CSMD1: variants seen among roughly 807,000 people sequenced by gnomAD.
CSMD1 encodes the protein CUB and Sushi multiple domains 1.
A neutral mutation model predicts 417.5 loss-of-function variants in CSMD1; 213 were observed. The ratio of observed to expected loss-of-function variants is 0.51; its 90% CI spans 0.46 to 0.57. The LOEUF (loss-of-function observed/expected upper bound fraction) is 0.57. CSMD1 is among the 20% of genes least tolerant of loss of function. The pLI, the probability that CSMD1 is intolerant of heterozygous loss-of-function variation, is 0.00. For synonymous variants in CSMD1, 2,862 were observed against 1,736.8 expected, an observed-to-expected ratio of 1.65 and a Z score of -16.11; for missense variants, 6,923 against 4,529.7, an observed-to-expected ratio of 1.53 and a Z score of -15.17.
chr8:4,264,402 G>T (rs1333853725), intron 3 of CSMD1, among the ~76,000 whole-genome samples: 1 of 152,132 alleles, frequency 6.6e-6, no homozygotes, highest in Non-Finnish European at 1.5e-5. Context: ...CATCCACAGA[G>T]GTTGCACATG....
intron 52 of CSMD1, among the ~76,000 whole-genome samples, chr8:3,012,603 A>C (rs534913526): frequency 6.6e-6 from 1 of 152,322 alleles, no homozygotes; most frequent in East Asian, 1.9e-4. Flanking sequence ...ATCTTGCACC[A>C]GGATGGAAAA....
At chr8:4,341,937 G>T (rs1192820436) in intron 3 of CSMD1, among the ~76,000 whole-genome samples, 1 of 152,016 alleles carries the variant, frequency 6.6e-6, no homozygotes, top group Admixed American at 6.6e-5. Flanking sequence ...ACTATGCTTT[G>T]TCCAATGGAC....
intron 7 of CSMD1, among the ~76,000 whole-genome samples, chr8:3,687,216 G>A (rs1159177560): frequency 6.6e-6 from 1 of 152,204 alleles, no homozygotes; most frequent in Admixed American, 6.5e-5. Context: ...GGTTTGCCCA[G>A]GGCAGGTCCA....
chr8:4,083,814 T>C (rs938318320), intron 3 of CSMD1, among the ~76,000 whole-genome samples: 3 of 152,112 alleles, frequency 2.0e-5, no homozygotes, highest in Admixed American at 1.3e-4. Context: ...CCAAAAGCAA[T>C]GGCAACAAAA....
chr8:3,934,740 G>A (rs538199257), intron 5 of CSMD1, among the ~76,000 whole-genome samples: 39 of 152,106 alleles, frequency 2.6e-4, no homozygotes, highest in South Asian at 1.7e-3. Context: ...CCAGCTACTC[G>A]GGAGGCTGAA....
intron 49 of CSMD1, among the ~76,000 whole-genome samples, chr8:3,070,140 C>G (rs1813233828): frequency 6.6e-6 from 1 of 152,218 alleles, no homozygotes; most frequent in Non-Finnish European, 1.5e-5. Flanking sequence ...CTTCTCCTCC[C>G]AGGATTCTAG....
intron 5 of CSMD1, among the ~76,000 whole-genome samples, chr8:3,950,337 C>G (rs1301690005): frequency 6.6e-6 from 1 of 152,176 alleles, no homozygotes; most frequent in Non-Finnish European, 1.5e-5. Flanking sequence ...AGCCATCTGA[C>G]TCTAGCTGGT....
chr8:3,939,719 A>T (rs1810749025), intron 5 of CSMD1, among the ~76,000 whole-genome samples: 1 of 152,140 alleles, frequency 6.6e-6, no homozygotes, highest in Admixed American at 6.6e-5. Context: ...CTTTTGCAGC[A>T]ACTTGGATGA....
chr8:4,923,946 C>G (rs769561053), intron 1 of CSMD1, among the ~76,000 whole-genome samples: 5 of 152,200 alleles, frequency 3.3e-5, no homozygotes, highest in East Asian at 1.9e-4. Context: ...GCTTAGCAAG[C>G]TATTCTCAAC....
chr8:3,902,433 G>A (rs938188804), intron 5 of CSMD1, among the ~76,000 whole-genome samples: 2 of 151,916 alleles, frequency 1.3e-5, no homozygotes, highest in African/African-American at 4.9e-5. Context: ...TGCTACCAGG[G>A]ACCAATTTCA....
rs529613961 is a variant in CSMD1 at position 4,007,614 on chromosome 8, C to T, written c.611-9504G>A. Among the ~76,000 whole-genome samples, 4 of 152,280 alleles carry T rather than the reference C, an allele frequency of 2.6e-5. No individual in the cohort carries two copies. The South Asian group carries it at 8.3e-4, about 32-fold the overall frequency. On this transcript the variant is annotated intron_variant, in intron 4 of 69. Transcript: ENST00000635120. Reference sequence around the variant, plus strand: ...GCAATGGAATGCAAGCTTTATGAGCCTGTTCTTGCACTTGCGTGCACCTGT... The same window carrying T: ...GCAATGGAATGCAAGCTTTATGAGCTTGTTCTTGCACTTGCGTGCACCTGT...
At position 4,637,477 on chromosome 8, in the gene CSMD1, G is replaced by T. The variant is rs753799956; in HGVS notation, c.167C>A (p.Ala56Asp). The T allele has an allele frequency of 6.2e-7, 1 of 1,613,744 alleles. No homozygotes were observed. The highest frequency in any genetic ancestry group is 1.1e-5 in the South Asian group (1 of 91,066). Residue 56 changes from alanine (A) to aspartate (D), a missense_variant, in exon 2 of 70, where the codon GCC becomes GAC. Coordinates refer to ENST00000635120, the MANE Select transcript of CSMD1 (RefSeq NM_033225.6). ...CGTGATGATGATCCAGGTGCAGTTG[G>T]CATAGTTCGGATACCCGTGAGGAAA... ...PGFPHGYPNY[A>D]NCTWIIITGE...
At chr8:3,017,280 C>T (rs1808918853) in intron 52 of CSMD1, among the ~76,000 whole-genome samples, 2 of 152,166 alleles carry the variant, frequency 1.3e-5, no homozygotes, top group South Asian at 4.1e-4. Flanking sequence ...TCAAAGCTGC[C>T]TAAAGGAGAG....
At chr8:4,381,174 A>G (rs933244352) in intron 3 of CSMD1, among the ~76,000 whole-genome samples, 6 of 152,204 alleles carry the variant, frequency 3.9e-5, no homozygotes, top group Admixed American at 1.3e-4. Context: ...AATATGTATT[A>G]CAGTTCTCTA....
intron 2 of CSMD1, among the ~76,000 whole-genome samples, chr8:4,591,652 G>A (rs1053235170): frequency 6.6e-5 from 10 of 152,170 alleles, no homozygotes; most frequent in Non-Finnish European, 1.2e-4. Context: ...GAGGGCATAA[G>A]TATGTAGGTC....
intron 4 of CSMD1, among the ~76,000 whole-genome samples, chr8:4,026,051 A>G (rs1243201621): frequency 2.6e-5 from 4 of 152,114 alleles, no homozygotes; most frequent in Non-Finnish European, 4.4e-5. Context: ...CTGCAAATAA[A>G]TAAGTATTAA....
intron 12 of CSMD1, among the ~76,000 whole-genome samples, chr8:3,447,287 A>G (rs1427155047): frequency 6.6e-6 from 1 of 152,214 alleles, no homozygotes; most frequent in Non-Finnish European, 1.5e-5. Flanking sequence ...AATAGAATTA[A>G]ATATTTTAAT....
Position 3,931,338 on chromosome 8 carries a change from G to A in CSMD1, c.818+66565C>T, listed in dbSNP as rs534962629. On this transcript the variant is annotated intron_variant, in intron 5 of 69. Transcript: ENST00000635120. ...TAAGAACTAGAAGTCAGCAGAAAAG[G>A]GCCACTCTCTCTCCCTCCCTCATTT... Among the ~76,000 whole-genome samples the A allele has an allele frequency of 1.0e-3, 150 of 150,288 alleles. 12 individuals are homozygous for A. The highest frequency in any genetic ancestry group is 8.9e-4 in the Non-Finnish European group (60 of 67,472).
chr8:4,856,864 G>C (rs890850654), intron 1 of CSMD1, among the ~76,000 whole-genome samples: 18 of 152,008 alleles, frequency 1.2e-4, no homozygotes, highest in African/African-American at 4.4e-4. Context: ...CAACGAGACA[G>C]AAAGTCAACA....
Sources: allele counts gnomAD v4.1 joint callset (sites outside exome capture counted in the v4.1 genomes callset), GRCh38; gene constraint gnomAD v4.1.1; transcripts MANE v1.5; gene names NCBI Gene and HGNC (gene_info 2026-07-23, HGNC 2026-07-21).